The following SNX27 variants were observed in gnomAD, a reference collection of about 807,000 sequenced individuals.
SNX27 encodes the protein sorting nexin 27.
In SNX27, 22 loss-of-function variants were observed where a neutral mutation model predicts 71.6. The observed-to-expected ratio is 0.31, with a 90% CI of 0.22 to 0.44. The LOEUF is 0.44. Among genes scored for constraint, SNX27 ranks in the 20% least tolerant of loss-of-function variants. The probability of loss-of-function intolerance (pLI) is 1.00; values close to 1 mark genes in which losing one functional copy is unlikely to be tolerated. For missense variants in SNX27, 531 were observed against 698.6 expected (o/e 0.76, Z 2.70); for synonymous variants, 269 against 277.2 (o/e 0.97, Z 0.29).
intron 11 of SNX27, chr1:151,694,055 A>G: frequency 4.0e-6 from 5 of 1,239,536 alleles, no homozygotes; most frequent in Non-Finnish European, 4.0e-6. Context: ...TACAGTAGAA[A>G]GAACATTGGG....
Position 151,650,225 on chromosome 1 carries a change from G to T in SNX27, c.544-8010G>T, listed in dbSNP as rs1464226001. ...AAATTTTTAGTAGAGATGGGGTCTT[G>T]CTATGTTCCCCAGGCTATTCTCACA... On this transcript the variant is annotated intron_variant, in intron 2 of 11. Transcript: ENST00000458013. Among the ~76,000 whole-genome samples, 22 of 152,152 alleles carry T rather than the reference G, an allele frequency of 1.4e-4. No individual in the cohort carries two copies. In the East Asian group the frequency reaches 4.2e-3, roughly 29 times the overall value.
intron 7 of SNX27, among the ~76,000 whole-genome samples, chr1:151,675,504 G>A (rs146510592): frequency 3.6e-4 from 55 of 151,662 alleles, no homozygotes; most frequent in Non-Finnish European, 6.5e-4. Context: ...AGTTAATGTA[G>A]TATATGTTGT....
chr1:151,666,292 A>C (rs1670183603), intron 6 of SNX27: 2 of 258,578 alleles, frequency 7.7e-6, no homozygotes, highest in Non-Finnish European at 1.5e-5. Flanking sequence ...ATTCCAATAA[A>C]ACAGGCTTAA....
intron 8 of SNX27, among the ~76,000 whole-genome samples, chr1:151,686,175 A>G (rs919175643): frequency 6.6e-6 from 1 of 152,262 alleles, no homozygotes; most frequent in Non-Finnish European, 1.5e-5. Context: ...TTCTGATAAT[A>G]CCAGTGTGGA....
Position 151,694,347 on chromosome 1 carries a change from ACT to A in SNX27, c.1579-20_1579-19del, listed in dbSNP as rs749125243. ...TAAGAGGAGATGTGCCTTCCCAATA[ACT>A]CTTTTTTTTTTTCCTTTCAGAACAT... On this transcript the variant is annotated intron_variant, in intron 11 of 11. Coordinates refer to ENST00000458013, the MANE Select transcript of SNX27 (RefSeq NM_001330723.2). 40 of 1,544,966 alleles carry A rather than the reference ACT, an allele frequency of 2.6e-5. 1 individual carries two copies. In the South Asian group the frequency reaches 4.1e-4, roughly 16 times the overall value.
chr1:151,653,836 G>GTTTTTTTTTT (rs60604221), intron 2 of SNX27, among the ~76,000 whole-genome samples: 2 of 129,746 alleles, frequency 1.5e-5, no homozygotes, highest in African/African-American at 2.9e-5. Context: ...AGTTTTTTTT[G>GTTTTTTTTTT]TTTTTTTTTT....
intron 1 of SNX27, among the ~76,000 whole-genome samples, chr1:151,624,429 A>ATG (rs1202286686): frequency 2.1e-5 from 3 of 142,188 alleles, no homozygotes; most frequent in African/African-American, 5.1e-5. Flanking sequence ...ATATATATAT[A>ATG]TATGTATTTT....
intron 1 of SNX27, among the ~76,000 whole-genome samples, chr1:151,631,442 A>G (rs1571778586): frequency 6.6e-6 from 1 of 152,160 alleles, no homozygotes; most frequent in Non-Finnish European, 1.5e-5. Context: ...CTATTTTTGT[A>G]TTTTACATAA....
At chr1:151,635,955 G>A (rs1668440287) in intron 1 of SNX27, among the ~76,000 whole-genome samples, 1 of 152,086 alleles carries the variant, frequency 6.6e-6, no homozygotes, top group African/African-American at 2.4e-5. Flanking sequence ...CCCAAGGAAC[G>A]GTGTATTTTG....
intron 1 of SNX27, among the ~76,000 whole-genome samples, chr1:151,633,634 C>G (rs1218415177): frequency 6.6e-6 from 1 of 150,790 alleles, no homozygotes; most frequent in Non-Finnish European, 1.5e-5. Flanking sequence ...ATCCCCTCCC[C>G]TCCAGACAAC....
rs1397690047 is a variant in SNX27, at chr1:151,694,564, C to T, written c.*147C>T. ...GCCCTAAACTAAATATTATTAATAA[C>T]CCCCTCTGAATTTCATGTCTCTGGA... On this transcript the variant is annotated 3_prime_UTR_variant, in exon 12 of 12. Transcript: ENST00000458013. 1 of 739,892 alleles carries T rather than the reference C, an allele frequency of 1.4e-6. No homozygotes were observed. Among genetic ancestry groups the T allele is most frequent in the African/African-American group, 1.8e-5 (1 of 54,858 alleles). 45.8% of individuals were successfully genotyped at this position (739,892 alleles called of 1,614,324 possible).
intron 1 of SNX27, among the ~76,000 whole-genome samples, chr1:151,628,582 A>G (rs1668056548): frequency 6.6e-6 from 1 of 152,154 alleles, no homozygotes; most frequent in South Asian, 2.1e-4. Context: ...AATGACTATC[A>G]TTTTGTATTC....
chr1:151,631,900 C>T (rs1288171891), intron 1 of SNX27, among the ~76,000 whole-genome samples: 1 of 152,104 alleles, frequency 6.6e-6, no homozygotes, highest in African/African-American at 2.4e-5. Flanking sequence ...GTCTTGAACT[C>T]CTGGGCTCAA....
At chr1:151,660,446 C>T (rs376094197) in intron 3 of SNX27, 3 of 166,990 alleles carry the variant, frequency 1.8e-5, no homozygotes, top group East Asian at 3.2e-4. Context: ...ATTAATCTTT[C>T]CCTACCACTA....
At chr1:151,666,818 C>CA (rs1386592585) in intron 6 of SNX27, 1 of 152,146 alleles carries the variant, frequency 6.6e-6, no homozygotes, top group Non-Finnish European at 1.5e-5. Flanking sequence ...CTTCCCAACT[C>CA]ACAGCAGTGT....
intron 1 of SNX27, among the ~76,000 whole-genome samples, chr1:151,629,062 C>T (rs1668075936): frequency 6.6e-6 from 1 of 151,816 alleles, no homozygotes; most frequent in Non-Finnish European, 1.5e-5. Flanking sequence ...TGCCAACCCC[C>T]TAGATTTTCT....
At chr1:151,615,776 T>C (rs1667397888) in intron 1 of SNX27, 4 of 985,022 alleles carry the variant, frequency 4.1e-6, no homozygotes, top group Non-Finnish European at 4.8e-6. Flanking sequence ...AATTTTCGTA[T>C]TTTTCAGTTG....
chr1:151,654,111 G>A (rs747290609), intron 2 of SNX27, among the ~76,000 whole-genome samples: 7 of 152,166 alleles, frequency 4.6e-5, no homozygotes, highest in Non-Finnish European at 1.0e-4. Context: ...GATTACAGGC[G>A]TGAGCCACCG....
intron 4 of SNX27, among the ~76,000 whole-genome samples, chr1:151,661,858 G>A (rs1411366232): frequency 6.6e-6 from 1 of 152,154 alleles, no homozygotes; most frequent in African/African-American, 2.4e-5. Flanking sequence ...AATTCTGAAT[G>A]GGGAAAGGGA....
Sources: allele counts gnomAD v4.1 joint callset (sites outside exome capture counted in the v4.1 genomes callset), GRCh38; gene constraint gnomAD v4.1.1; transcripts MANE v1.5; gene names NCBI Gene and HGNC (gene_info 2026-07-23, HGNC 2026-07-21).